The following ACYP2 variants were observed in gnomAD, a reference collection of about 807,000 sequenced individuals.
ACYP2 encodes acylphosphatase-2.
A neutral mutation model predicts 11.2 loss-of-function variants in ACYP2; 12 were observed. The observed-to-expected ratio is 1.08, with a 90% CI of 0.69 to 1.74. The LOEUF (loss-of-function observed/expected upper bound fraction) is 1.74, where lower values mean the gene tolerates loss of function less well. ACYP2 is among the 40% of genes most tolerant of loss of function. The probability of loss-of-function intolerance (pLI) is 0.00; values close to 1 mark genes in which losing one functional copy is unlikely to be tolerated. For synonymous variants in ACYP2, 43 were observed against 32.2 expected (o/e 1.33, Z -1.13); for missense variants, 134 against 101.9 (o/e 1.31, Z -1.35).
Position 54,105,698 on chromosome 2 carries a change from T to A in ACYP2, c.278-29755T>A, listed in dbSNP as rs545806797. ...TTTGTGGAGAAGGGTTTTGCCATGT[T>A]GCCCGGGCTGGTCTCTAACTCCTGG... On this transcript the variant is annotated intron_variant, in intron 4 of 6. Coordinates refer to ENST00000607452, the MANE Select transcript of ACYP2 (RefSeq NM_001320586.2). 8.5e-5 allele frequency among the ~76,000 whole-genome samples: 13 copies of A among 152,144 alleles called. No homozygotes were observed. In the South Asian group the frequency reaches 2.7e-3, roughly 32 times the overall value.
At chr2:54,035,029 A>AAAAAAAAAAAAAAAAAAC (rs1448900977) in intron 2 of ACYP2, among the ~76,000 whole-genome samples, 1 of 145,526 alleles carries the variant, frequency 6.9e-6, no homozygotes, top group East Asian at 2.2e-4. Context: ...AAAAAAAAAA[A>AAAAAAAAAAAAAAAAAAC]AAAGCCTAGA....
At chr2:54,144,282 T>C (rs1452684166) in intron 6 of ACYP2, among the ~76,000 whole-genome samples, 2 of 152,146 alleles carry the variant, frequency 1.3e-5, no homozygotes, top group African/African-American at 4.8e-5. Context: ...AAGTAACTGA[T>C]ATAGTTGAGT....
intron 2 of ACYP2, among the ~76,000 whole-genome samples, chr2:54,006,614 C>A (rs1280734480): frequency 6.6e-6 from 1 of 152,048 alleles, no homozygotes. Flanking sequence ...TTATTTAGTT[C>A]TTCTTAGATT....
intron 2 of ACYP2, among the ~76,000 whole-genome samples, chr2:54,039,216 A>AT (rs1675085631): frequency 2.3e-5 from 3 of 129,400 alleles, no homozygotes; most frequent in South Asian, 5.7e-4. Context: ...TATCTTTGGA[A>AT]GTTTTTTTTT....
chr2:54,002,720 C>A (rs1019924866), intron 2 of ACYP2, among the ~76,000 whole-genome samples: 4 of 149,908 alleles, frequency 2.7e-5, no homozygotes, highest in African/African-American at 9.9e-5. Flanking sequence ...GGTGCGATTT[C>A]GGCTCACCAC....
intron 6 of ACYP2, among the ~76,000 whole-genome samples, chr2:54,174,140 A>C (rs1683336591): frequency 6.6e-6 from 1 of 152,144 alleles, no homozygotes. Flanking sequence ...CTATTTTCAC[A>C]ATATTGATTC....
chr2:54,036,195 A>G (rs1674891044), intron 2 of ACYP2, among the ~76,000 whole-genome samples: 1 of 152,206 alleles, frequency 6.6e-6, no homozygotes, highest in Non-Finnish European at 1.5e-5. Flanking sequence ...GCCGGGTTCA[A>G]GCGATTCTCC....
intron 6 of ACYP2, chr2:54,142,013 A>G (rs867102483): frequency 0.015 from 5,788 of 381,506 alleles, 33 homozygotes; most frequent in Middle Eastern, 0.026. Context: ...GTGTGTGTGT[A>G]TATTTTGTTG....
intron 2 of ACYP2, chr2:53,975,165 C>T (rs1671408270): frequency 7.7e-6 from 3 of 388,424 alleles, no homozygotes; most frequent in Non-Finnish European, 1.4e-5. Context: ...GCAGAGGTTG[C>T]AGTGAGCTGA....
chr2:54,215,714 A>G (rs1391989067), intron 6 of ACYP2, among the ~76,000 whole-genome samples: 1 of 152,136 alleles, frequency 6.6e-6, no homozygotes, highest in East Asian at 1.9e-4. Flanking sequence ...GTTAGGTGTA[A>G]TCATTTTTCT....
At chr2:54,020,547 A>G (rs947745807) in intron 2 of ACYP2, among the ~76,000 whole-genome samples, 2 of 152,248 alleles carry the variant, frequency 1.3e-5, no homozygotes, top group South Asian at 2.1e-4. Flanking sequence ...GGCAAACTGC[A>G]GACTGTGGGC....
intron 2 of ACYP2, among the ~76,000 whole-genome samples, chr2:54,021,114 A>G (rs181733430): frequency 5.1e-4 from 78 of 152,220 alleles, no homozygotes; most frequent in African/African-American, 1.9e-3. Context: ...GTTGAACCGC[A>G]CAGTCTAAGC....
intron 6 of ACYP2, among the ~76,000 whole-genome samples, chr2:54,198,826 G>C (rs1402208309): frequency 6.6e-6 from 1 of 152,074 alleles, no homozygotes; most frequent in Non-Finnish European, 1.5e-5. Context: ...TATGTACTTT[G>C]TTCTTACCAG....
intron 6 of ACYP2, among the ~76,000 whole-genome samples, chr2:54,198,834 C>A (rs1684628428): frequency 6.6e-6 from 1 of 152,090 alleles, no homozygotes. Flanking sequence ...TTGTTCTTAC[C>A]AGAACTGTGG....
chr2:54,044,605 C>G (rs1675418609), intron 2 of ACYP2, among the ~76,000 whole-genome samples: 1 of 149,348 alleles, frequency 6.7e-6, no homozygotes, highest in Non-Finnish European at 1.5e-5. Context: ...GCCCGCCCCT[C>G]TCAAAAAAAA....
rs61395630 is a variant in ACYP2, at chr2:54,101,671, C to CA, written c.278-33763dup. Among the ~76,000 whole-genome samples the CA allele has an allele frequency of 1.2e-3, 149 of 121,874 alleles. 2 individuals are homozygous for CA. Among genetic ancestry groups the CA allele is most frequent in the Admixed American group, 1.3e-3 (16 of 12,102 alleles). 80.0% of individuals were successfully genotyped at this position (121,874 alleles called of 152,430 possible). A position where few individuals can be genotyped will look rare whatever the true frequency, so the allele number is the denominator to read the frequency against. On this transcript the variant is annotated intron_variant, in intron 4 of 6. Coordinates refer to ENST00000607452, the MANE Select transcript of ACYP2 (RefSeq NM_001320586.2). ...CTTGGGTTACAGAGGGAGACTGTCT[C>CA]AAAAAAAAAAAAAAAAAAACTGCCA...
At chr2:54,073,909 T>C (rs1256792193) in intron 4 of ACYP2, among the ~76,000 whole-genome samples, 4 of 152,286 alleles carry the variant, frequency 2.6e-5, no homozygotes, top group South Asian at 4.1e-4. Context: ...TGTGGAGACA[T>C]TGGAACCTGC....
chr2:54,263,463 G>T (rs908880476), intron 6 of ACYP2, among the ~76,000 whole-genome samples: 2 of 152,154 alleles, frequency 1.3e-5, no homozygotes, highest in African/African-American at 4.8e-5. Context: ...TCTCTACAAA[G>T]AAATTTAAAA....
At chr2:54,160,208 T>A (rs927667149) in intron 6 of ACYP2, among the ~76,000 whole-genome samples, 2 of 152,210 alleles carry the variant, frequency 1.3e-5, no homozygotes, top group Non-Finnish European at 2.9e-5. Flanking sequence ...TAGGATTCTC[T>A]TGTCCTTTCC....
Sources: allele counts gnomAD v4.1 joint callset (sites outside exome capture counted in the v4.1 genomes callset), GRCh38; gene constraint gnomAD v4.1.1; transcripts MANE v1.5; gene names NCBI Gene and HGNC (gene_info 2026-07-23, HGNC 2026-07-21).